MYO9B: variants seen among roughly 807,000 people sequenced by gnomAD.
The protein encoded by MYO9B is myosin IXB, also known as unconventional myosin-IXb.
MYO9B carries 71 observed loss-of-function variants against 229.5 expected under a neutral mutation model. The observed-to-expected ratio is 0.31, with a 90% CI of 0.26 to 0.38. The LOEUF is 0.38. Ranked by LOEUF, MYO9B falls within the 10% of genes least tolerant of loss-of-function variation. The pLI, the probability that MYO9B is intolerant of heterozygous loss-of-function variation, is 1.00. For synonymous variants in MYO9B, 1,185 were observed against 1,235.8 expected, an observed-to-expected ratio of 0.96 and a Z score of 0.86; for missense variants, 2,255 against 2,920.5, an observed-to-expected ratio of 0.77 and a Z score of 5.25.
chr19:17,107,714 C>T (rs933889692), intron 2 of MYO9B, among the ~76,000 whole-genome samples: 2 of 152,248 alleles, frequency 1.3e-5, no homozygotes, highest in Non-Finnish European at 2.9e-5. Flanking sequence ...CTGCCTCTGT[C>T]GTCAGGGGCG....
intron 2 of MYO9B, among the ~76,000 whole-genome samples, chr19:17,117,269 G>A (rs893553634): frequency 6.6e-6 from 1 of 152,166 alleles, no homozygotes. Context: ...GATTATCCAG[G>A]ATAGATCCGA....
At chr19:17,130,219 C>T (rs944035269) in intron 2 of MYO9B, among the ~76,000 whole-genome samples, 2 of 152,210 alleles carry the variant, frequency 1.3e-5, no homozygotes, top group East Asian at 1.9e-4. Flanking sequence ...ACCTGTAATC[C>T]CAGCACTTTG....
intron 10 of MYO9B, among the ~76,000 whole-genome samples, chr19:17,166,901 G>A (rs2072665959): frequency 6.6e-6 from 1 of 151,966 alleles, no homozygotes; most frequent in Admixed American, 6.6e-5. Context: ...ATCCATTAGT[G>A]GGCATTTAGA....
At chr19:17,196,155 T>TGGGG (rs2073040508) in intron 22 of MYO9B, among the ~76,000 whole-genome samples, 3 of 10,992 alleles carry the variant, frequency 2.7e-4, no homozygotes, top group Non-Finnish European at 3.7e-4. Flanking sequence ...GGTGGGTGGG[T>TGGGG]GGGTGGGTGG....
At chr19:17,164,385 C>CTT (rs11387142) in intron 10 of MYO9B, among the ~76,000 whole-genome samples, 44 of 145,784 alleles carry the variant, frequency 3.0e-4, no homozygotes, top group Middle Eastern at 3.5e-3. Context: ...TCTGACGTGT[C>CTT]TTTTTTTTTT....
intron 11 of MYO9B, among the ~76,000 whole-genome samples, chr19:17,171,075 G>A (rs2072719435): frequency 6.6e-6 from 1 of 152,044 alleles, no homozygotes; most frequent in Admixed American, 6.6e-5. Flanking sequence ...GGGTTTTGGG[G>A]GACACTCAAG....
rs527425406 is a variant in MYO9B, at chr19:17,194,214, G to T, written c.3129-342G>T. On this transcript the variant is annotated intron_variant, in intron 21 of 39. Coordinates refer to ENST00000682292, the MANE Select transcript of MYO9B (RefSeq NM_004145.4). ...AAATAAAATAAAAGCAAAACAAAAAGCCTCCTAGAAAAAGACCCAAGGGAA... is the reference window on the plus strand; with the variant it reads ...AAATAAAATAAAAGCAAAACAAAAATCCTCCTAGAAAAAGACCCAAGGGAA... 3.3e-4 allele frequency among the ~76,000 whole-genome samples: 46 copies of T among 139,562 alleles called. No homozygotes were observed. In the South Asian group the frequency reaches 0.01, roughly 31 times the overall value. 91.6% of individuals were successfully genotyped at this position (139,562 alleles called of 152,430 possible). A position where few individuals can be genotyped will look rare whatever the true frequency, so the allele number is the denominator to read the frequency against.
At chr19:17,159,750 G>A (rs1428560860) in intron 8 of MYO9B, among the ~76,000 whole-genome samples, 2 of 152,252 alleles carry the variant, frequency 1.3e-5, no homozygotes, top group Non-Finnish European at 2.9e-5. Context: ...CACTAGCAAT[G>A]GTTGGCCAGA....
intron 2 of MYO9B, among the ~76,000 whole-genome samples, chr19:17,117,177 G>A (rs926461740): frequency 3.9e-5 from 6 of 152,170 alleles, no homozygotes; most frequent in African/African-American, 1.2e-4. Flanking sequence ...GTCTATCGGC[G>A]ATGTCAGCCT....
intron 8 of MYO9B, among the ~76,000 whole-genome samples, chr19:17,161,490 G>C (rs1219557256): frequency 6.6e-6 from 1 of 151,976 alleles, no homozygotes; most frequent in Non-Finnish European, 1.5e-5. Context: ...TCCAGCCTTG[G>C]CAACATAGTG....
At chr19:17,182,672 G>A (rs2145410478) in intron 15 of MYO9B, among the ~76,000 whole-genome samples, 1 of 151,894 alleles carries the variant, frequency 6.6e-6, no homozygotes, top group Non-Finnish European at 1.5e-5. Flanking sequence ...TCAAACTTTT[G>A]TCCTTGTTGT....
chr19:17,197,321 A>G (rs1412688025), intron 22 of MYO9B, among the ~76,000 whole-genome samples: 1 of 151,750 alleles, frequency 6.6e-6, no homozygotes, highest in African/African-American at 2.4e-5. Flanking sequence ...GAAGAGATGG[A>G]TGGAAGGCAG....
At chr19:17,198,463 A>C (rs2073071255) in intron 24 of MYO9B, among the ~76,000 whole-genome samples, 155 bp downstream of exon 24, 1 of 152,202 alleles carries the variant, frequency 6.6e-6, no homozygotes, top group Admixed American at 6.6e-5. Context: ...GAGGCCAGGC[A>C]GTGGCTCACG....
chr19:17,093,909 C>T (rs545015635), intron 1 of MYO9B, among the ~76,000 whole-genome samples: 1 of 145,148 alleles, frequency 6.9e-6, no homozygotes, highest in Admixed American at 7.0e-5. Context: ...TGTAGAGTTA[C>T]CTAGTTGTGT....
intron 2 of MYO9B, among the ~76,000 whole-genome samples, chr19:17,119,977 A>G (rs1352142890): frequency 6.6e-6 from 1 of 152,194 alleles, no homozygotes; most frequent in Non-Finnish European, 1.5e-5. Context: ...CATCCTGGAC[A>G]ACGTGGCAAA....
chr19:17,123,424 T>TGTGTGTG (rs2057983797), intron 2 of MYO9B, among the ~76,000 whole-genome samples: 1 of 146,824 alleles, frequency 6.8e-6, no homozygotes, highest in African/African-American at 2.5e-5. Context: ...CAGTAGAAAT[T>TGTGTGTG]TGTGTGTGTG....
At chr19:17,135,578 A>G (rs945367999) in intron 2 of MYO9B, among the ~76,000 whole-genome samples, 8 of 152,310 alleles carry the variant, frequency 5.3e-5, no homozygotes, top group Non-Finnish European at 8.8e-5. Flanking sequence ...CCTCGGATGT[A>G]TAATAGCACC....
At chr19:17,210,516 C>A in intron 37 of MYO9B, 136 bp downstream of exon 37, 1 of 1,275,388 alleles carries the variant, frequency 7.8e-7, no homozygotes. Context: ...GGGGAGGCCC[C>A]TTGCCTGCTG....
chr19:17,200,943 A>G, intron 26 of MYO9B, 114 bp downstream of exon 26: 1 of 1,244,780 alleles, frequency 8.0e-7, no homozygotes, highest in Non-Finnish European at 1.1e-6. Flanking sequence ...TCAAGAATAC[A>G]AAGTCCAGGC....
Sources: gnomAD v4.1 joint callset for allele counts (sites outside exome capture counted in the v4.1 genomes callset) on GRCh38, gnomAD v4.1.1 for gene constraint, MANE v1.5 for transcripts, NCBI Gene and HGNC (gene_info 2026-07-23, HGNC 2026-07-21) for gene names.